The following FMN2 variants were observed in gnomAD, a reference collection of about 807,000 sequenced individuals.
FMN2 encodes formin 2, also known as formin-2.
Under a neutral mutation model 142.3 loss-of-function variants are expected in FMN2, and 51 were observed. The observed-to-expected ratio is 0.36, with a 90% CI of 0.29 to 0.45. The LOEUF is 0.45. Among genes scored for constraint, FMN2 ranks in the 20% least tolerant of loss-of-function variants. The probability of loss-of-function intolerance (pLI) is 1.00; values close to 1 mark genes in which losing one functional copy is unlikely to be tolerated. For missense variants in FMN2, 1,936 were observed against 2,122.8 expected (o/e 0.91, Z 1.73); for synonymous variants, 882 against 869.8 (o/e 1.01, Z -0.25).
At chr1:240,390,052 C>T (rs1673553272) in intron 14 of FMN2, among the ~76,000 whole-genome samples, 1 of 152,074 alleles carries the variant, frequency 6.6e-6, no homozygotes, top group Non-Finnish European at 1.5e-5. Context: ...GGAATTGCAC[C>T]CCAATTTTTC....
intron 2 of FMN2, among the ~76,000 whole-genome samples, chr1:240,160,135 A>G (rs1450237692): frequency 6.6e-6 from 1 of 151,040 alleles, no homozygotes; most frequent in Non-Finnish European, 1.5e-5. Flanking sequence ...CATTTAAAGA[A>G]GAAATAAAAC....
intron 2 of FMN2, among the ~76,000 whole-genome samples, chr1:240,151,534 G>A (rs554915401): frequency 6.6e-6 from 1 of 152,068 alleles, no homozygotes; most frequent in Non-Finnish European, 1.5e-5. Flanking sequence ...TGTAAGCTCC[G>A]GTGTGGGCGA....
chr1:240,258,575 T>C (rs1572125955), intron 7 of FMN2, among the ~76,000 whole-genome samples: 1 of 152,326 alleles, frequency 6.6e-6, no homozygotes, highest in Admixed American at 6.5e-5. Context: ...CCTGTCTCCT[T>C]GTACCTTCAC....
intron 4 of FMN2, among the ~76,000 whole-genome samples, chr1:240,205,891 C>CTTTTTTTTTTTT (rs57803350): frequency 8.3e-6 from 1 of 120,580 alleles, no homozygotes; most frequent in South Asian, 2.7e-4. Context: ...TATCAGCCAT[C>CTTTTTTTTTTTT]TTTTTTTTTT....
At chr1:240,441,608 C>CTTTTTT (rs371621331) in intron 16 of FMN2, among the ~76,000 whole-genome samples, 1 of 125,130 alleles carries the variant, frequency 8.0e-6, no homozygotes. Context: ...GCATATTGGT[C>CTTTTTT]TTTTTTTTTT....
At chr1:240,277,724 G>A (rs1416120298) in intron 7 of FMN2, among the ~76,000 whole-genome samples, 1 of 151,414 alleles carries the variant, frequency 6.6e-6, no homozygotes, top group African/African-American at 2.4e-5. Context: ...TAGTAGAGAC[G>A]AGGTTTCACC....
chr1:240,301,764 AT>A (rs530784636), intron 8 of FMN2, among the ~76,000 whole-genome samples: 59 of 151,448 alleles, frequency 3.9e-4, no homozygotes, highest in African/African-American at 8.0e-4. Context: ...ATAAATTGTC[AT>A]TTTTTTCCCC....
intron 7 of FMN2, among the ~76,000 whole-genome samples, chr1:240,269,320 T>A (rs971497281): frequency 6.6e-6 from 1 of 152,118 alleles, no homozygotes; most frequent in Admixed American, 6.6e-5. Context: ...CCATTCTGTG[T>A]TCTTGACACC....
At chr1:240,159,329 G>A (rs1664161345) in intron 2 of FMN2, among the ~76,000 whole-genome samples, 1 of 152,068 alleles carries the variant, frequency 6.6e-6, no homozygotes, top group Non-Finnish European at 1.5e-5. Context: ...ATGACCTTTA[G>A]TAATTTGAGA....
intron 15 of FMN2, among the ~76,000 whole-genome samples, chr1:240,393,334 G>T (rs1178168234): frequency 6.6e-6 from 1 of 152,058 alleles, no homozygotes. Flanking sequence ...ATCACCACAG[G>T]TGATCTGTGA....
intron 7 of FMN2, among the ~76,000 whole-genome samples, chr1:240,281,254 A>T (rs1402508058): frequency 6.6e-6 from 1 of 152,118 alleles, no homozygotes; most frequent in Non-Finnish European, 1.5e-5. Context: ...TGCAAAGTCT[A>T]TGGCATTCTG....
At chr1:240,143,539 A>T in intron 2 of FMN2, 1 of 1,596,164 alleles carries the variant, frequency 6.3e-7, no homozygotes, top group South Asian at 1.1e-5. Flanking sequence ...TTCGCTGCAA[A>T]CGTGGAGCAG....
At chr1:240,352,710 A>C (rs567836862) in intron 13 of FMN2, among the ~76,000 whole-genome samples, 1 of 152,364 alleles carries the variant, frequency 6.6e-6, no homozygotes, top group South Asian at 2.1e-4. Context: ...TAAGTGATGT[A>C]ACTTGTCTTC....
chr1:240,250,913 C>A (rs140867185), intron 6 of FMN2, among the ~76,000 whole-genome samples: 1,521 of 152,018 alleles, frequency 0.01, 55 homozygotes, highest in Admixed American at 0.07. Flanking sequence ...TTTTATATTT[C>A]TGTGGTATCA....
intron 16 of FMN2, among the ~76,000 whole-genome samples, chr1:240,439,523 C>T (rs1313863047): frequency 1.3e-5 from 2 of 152,050 alleles, no homozygotes; most frequent in Non-Finnish European, 2.9e-5. Flanking sequence ...ACTTAGATTC[C>T]ATAGGTCTGT....
chr1:240,328,004 C>T (rs1671229157), intron 8 of FMN2, among the ~76,000 whole-genome samples: 1 of 151,488 alleles, frequency 6.6e-6, no homozygotes, highest in African/African-American at 2.4e-5. Flanking sequence ...AAAAATGAGC[C>T]AGGCGTGGTG....
chr1:240,383,918 A>C (rs1319645630), intron 14 of FMN2, among the ~76,000 whole-genome samples: 4 of 151,792 alleles, frequency 2.6e-5, no homozygotes, highest in Non-Finnish European at 5.9e-5. Context: ...TATATATGGA[A>C]TACTACTATA....
At chr1:240,165,550 C>G (rs1664446900) in intron 2 of FMN2, among the ~76,000 whole-genome samples, 1 of 151,982 alleles carries the variant, frequency 6.6e-6, no homozygotes, top group South Asian at 2.1e-4. Flanking sequence ...TGATAACAAT[C>G]TAGGATCCCT....
At chr1:240,417,073 G>C (rs1558480447) in intron 15 of FMN2, among the ~76,000 whole-genome samples, 1 of 147,916 alleles carries the variant, frequency 6.8e-6, no homozygotes. Flanking sequence ...CAAATGCATG[G>C]GTTTTGTGTG....
Sources: allele counts gnomAD v4.1 joint callset (sites outside exome capture counted in the v4.1 genomes callset), GRCh38; gene constraint gnomAD v4.1.1; transcripts MANE v1.5; gene names NCBI Gene and HGNC (gene_info 2026-07-23, HGNC 2026-07-21).